PALLD: variants seen among roughly 807,000 people sequenced by gnomAD.
PALLD encodes palladin, cytoskeletal associated protein, also known as palladin.
In PALLD, 61 loss-of-function variants were observed where a neutral mutation model predicts 123.5. The observed-to-expected ratio is 0.49, with a 90% CI of 0.40 to 0.61. The LOEUF is 0.61. Ranked by LOEUF, PALLD falls within the 20% of genes least tolerant of loss-of-function variation. The pLI is 0.00. For missense variants in PALLD, 1,273 were observed against 1,377.0 expected (o/e 0.92, Z 1.20); for synonymous variants, 465 against 496.4 (o/e 0.94, Z 0.84).
intron 8 of PALLD, among the ~76,000 whole-genome samples, chr4:168,699,674 G>A (rs920013481): frequency 5.9e-5 from 9 of 152,126 alleles, no homozygotes; most frequent in Non-Finnish European, 1.2e-4. Context: ...TTAACCAAGT[G>A]TTAAGTAGGT....
intron 4 of PALLD, among the ~76,000 whole-genome samples, chr4:168,682,582 A>G (rs1167740780): frequency 6.6e-6 from 1 of 152,232 alleles, no homozygotes; most frequent in Non-Finnish European, 1.5e-5. Flanking sequence ...ATAGACAACC[A>G]AAACTTTGAG....
intron 2 of PALLD, among the ~76,000 whole-genome samples, chr4:168,639,746 G>T (rs183261375): frequency 6.6e-6 from 1 of 151,846 alleles, no homozygotes; most frequent in Non-Finnish European, 1.5e-5. Context: ...GGGTTTCACC[G>T]TGTTAGCCAG....
At chr4:168,850,227 TGA>T (rs1747540128) in intron 10 of PALLD, among the ~76,000 whole-genome samples, 1 of 152,108 alleles carries the variant, frequency 6.6e-6, no homozygotes. Flanking sequence ...TGCTCCTGTG[TGA>T]GAGTGCTTTC....
intron 10 of PALLD, among the ~76,000 whole-genome samples, chr4:168,867,602 C>CT (rs1750480975): frequency 6.6e-6 from 1 of 152,136 alleles, no homozygotes; most frequent in Non-Finnish European, 1.5e-5. Flanking sequence ...CAGAGGTGAA[C>CT]ACTTTAGACT....
At chr4:168,602,980 A>G (rs917388981) in intron 2 of PALLD, among the ~76,000 whole-genome samples, 4 of 152,056 alleles carry the variant, frequency 2.6e-5, no homozygotes, top group African/African-American at 7.2e-5. Flanking sequence ...GTTGCCCAGT[A>G]TGGTCTTAAA....
chr4:168,632,973 C>T (rs920650918), intron 2 of PALLD, among the ~76,000 whole-genome samples: 3 of 152,142 alleles, frequency 2.0e-5, no homozygotes, highest in African/African-American at 7.2e-5. Flanking sequence ...GCGGGGAAGA[C>T]CCCCTGAGAA....
chr4:168,654,862 A>G (rs1778403040), intron 2 of PALLD: 1 of 152,288 alleles, frequency 6.6e-6, no homozygotes, highest in Non-Finnish European at 1.5e-5. Context: ...TTACTTAGAG[A>G]ATTACCTGTG....
chr4:168,723,643 A>C (rs181861755), intron 10 of PALLD, among the ~76,000 whole-genome samples: 1 of 152,354 alleles, frequency 6.6e-6, no homozygotes, highest in East Asian at 1.9e-4. Flanking sequence ...CTGTGTCAGC[A>C]TTCCTACTGT....
chr4:168,659,795 A>G (rs1363358960), intron 2 of PALLD, among the ~76,000 whole-genome samples: 1 of 152,208 alleles, frequency 6.6e-6, no homozygotes, highest in Non-Finnish European at 1.5e-5. Flanking sequence ...TGCACAGAGA[A>G]TTTTCATGAT....
intron 10 of PALLD, among the ~76,000 whole-genome samples, chr4:168,768,992 C>G (rs1323011060): frequency 1.3e-5 from 2 of 152,228 alleles, no homozygotes; most frequent in Non-Finnish European, 2.9e-5. Flanking sequence ...CCATGCCCAG[C>G]TAATTTTTTG....
intron 2 of PALLD, among the ~76,000 whole-genome samples, chr4:168,552,137 T>G (rs1449959379): frequency 1.3e-5 from 2 of 152,108 alleles, no homozygotes; most frequent in African/African-American, 2.4e-5. Flanking sequence ...AGATGTTAGT[T>G]TAAGTCACCC....
chr4:168,913,342 T>C lies in PALLD; in HGVS notation c.2623-585T>C, dbSNP rs527360640. Among the ~76,000 whole-genome samples the C allele has an allele frequency of 1.3e-3, 199 of 152,212 alleles. 1 individual carries two copies. The highest frequency in any genetic ancestry group is 4.6e-3 in the African/African-American group (190 of 41,538). On this transcript the variant is annotated intron_variant, in intron 15 of 21. Coordinates refer to ENST00000505667, the MANE Select transcript of PALLD (RefSeq NM_001166108.2). Reference sequence around the variant, plus strand: ...TTAGTAGAGACGGGGTTTCACCATATTGGCCAGGCTGGGCTCGAACTCCTG... The same window carrying C: ...TTAGTAGAGACGGGGTTTCACCATACTGGCCAGGCTGGGCTCGAACTCCTG...
intron 2 of PALLD, chr4:168,632,046 T>C (rs1175530424): frequency 4.8e-6 from 2 of 417,566 alleles, no homozygotes; most frequent in African/African-American, 2.2e-5. Context: ...TCCGCCACGG[T>C]TTTCCTAATC....
intron 2 of PALLD, among the ~76,000 whole-genome samples, chr4:168,622,148 C>T (rs984990969): frequency 6.6e-6 from 1 of 152,172 alleles, no homozygotes; most frequent in African/African-American, 2.4e-5. Flanking sequence ...GGCTCTGGGT[C>T]AAAACACACA....
chr4:168,694,253 A>G (rs1231598056), intron 8 of PALLD, among the ~76,000 whole-genome samples: 1 of 152,168 alleles, frequency 6.6e-6, no homozygotes, highest in Non-Finnish European at 1.5e-5. Context: ...AACAGACGTG[A>G]CTACAATACA....
intron 2 of PALLD, among the ~76,000 whole-genome samples, chr4:168,635,472 C>G (rs1776249156): frequency 6.6e-6 from 1 of 152,232 alleles, no homozygotes; most frequent in Non-Finnish European, 1.5e-5. Flanking sequence ...TCCCAAATCT[C>G]TGTCCAGCAT....
intron 2 of PALLD, among the ~76,000 whole-genome samples, chr4:168,615,904 T>C (rs755374787): frequency 6.6e-6 from 1 of 152,168 alleles, no homozygotes; most frequent in Non-Finnish European, 1.5e-5. Flanking sequence ...TGCCTTCAAG[T>C]TGTAGATGAA....
At chr4:168,621,079 C>A (rs1774720709) in intron 2 of PALLD, among the ~76,000 whole-genome samples, 1 of 152,140 alleles carries the variant, frequency 6.6e-6, no homozygotes, top group Admixed American at 6.5e-5. Context: ...AACTGCAATT[C>A]CAGACTAGCA....
At chr4:168,739,973 C>T (rs1333919961) in intron 10 of PALLD, among the ~76,000 whole-genome samples, 1 of 152,094 alleles carries the variant, frequency 6.6e-6, no homozygotes, top group Non-Finnish European at 1.5e-5. Context: ...TTAAAACAGC[C>T]CCTGGTTTGA....
Sources: gnomAD v4.1 joint callset for allele counts (sites outside exome capture counted in the v4.1 genomes callset) on GRCh38, gnomAD v4.1.1 for gene constraint, MANE v1.5 for transcripts, NCBI Gene and HGNC (gene_info 2026-07-23, HGNC 2026-07-21) for gene names.